Variants in PCNT observed in about 807,000 individuals in gnomAD.
PCNT encodes kendrin.
In PCNT, 319 loss-of-function variants were observed where a neutral mutation model predicts 380.4. That is an observed-to-expected ratio of 0.84 (90% CI 0.77 to 0.92). The LOEUF (loss-of-function observed/expected upper bound fraction) is 0.92, where lower values mean the gene tolerates loss of function less well. Ranked by LOEUF, PCNT falls within the 40% of genes least tolerant of loss-of-function variation. The probability of loss-of-function intolerance (pLI) is 0.00; values close to 1 mark genes in which losing one functional copy is unlikely to be tolerated. For synonymous variants in PCNT, 1,845 were observed against 1,735.2 expected, an observed-to-expected ratio of 1.06 and a Z score of -1.57; for missense variants, 4,400 against 4,255.3, an observed-to-expected ratio of 1.03 and a Z score of -0.95.
chr21:46,330,471 T>C (rs1253377422), intron 2 of PCNT, among the ~76,000 whole-genome samples: 1 of 152,220 alleles, frequency 6.6e-6, no homozygotes, highest in African/African-American at 2.4e-5. Context: ...ATGTGTAGAA[T>C]AGAGCCATTG....
chr21:46,349,647 G>A (rs2084196813), intron 7 of PCNT, 37 bp from the exon 8 acceptor site: 1 of 1,607,940 alleles, frequency 6.2e-7, no homozygotes, highest in South Asian at 1.1e-5. Flanking sequence ...GGAGAGTGAT[G>A]TCTTGTAAAC....
chr21:46,396,600 T>TTTTA (rs926744498), intron 21 of PCNT, among the ~76,000 whole-genome samples: 78 of 152,220 alleles, frequency 5.1e-4, no homozygotes, highest in Non-Finnish European at 9.0e-4. Context: ...ACCCAGTTAA[T>TTTTA]TTTATTTATT....
At chr21:46,421,249 C>T (rs972983087) in intron 31 of PCNT, among the ~76,000 whole-genome samples, 9 of 152,270 alleles carry the variant, frequency 5.9e-5, no homozygotes, top group Non-Finnish European at 1.5e-5. Flanking sequence ...GCAGCCTCCG[C>T]TCCCCAGGGA....
intron 15 of PCNT, among the ~76,000 whole-genome samples, chr21:46,376,727 C>T (rs1009014929): frequency 1.3e-5 from 2 of 152,172 alleles, no homozygotes; most frequent in African/African-American, 2.4e-5. Flanking sequence ...GCTGTTGGTC[C>T]GGATCAATGC....
intron 13 of PCNT, among the ~76,000 whole-genome samples, chr21:46,361,755 C>G (rs2084727509): frequency 6.6e-6 from 1 of 152,154 alleles, no homozygotes; most frequent in Non-Finnish European, 1.5e-5. Context: ...CACATTTTCT[C>G]CGTTTTTTGA....
In PCNT at chr21:46,382,127, G is replaced by A. The variant is rs138990784; in HGVS notation, c.3312+287G>A. On this transcript the variant is annotated intron_variant, in intron 16 of 46. Coordinates refer to ENST00000359568, the MANE Select transcript of PCNT (RefSeq NM_006031.6). The stretch of plus-strand genomic sequence containing the variant: ...CATTCAGTGGCAGAAGCACATTCAC[G>A]GTGTTGTGCATTCAGTGGCGGAAGC... Among the ~76,000 whole-genome samples, 19 of 145,422 alleles carry A rather than the reference G, an allele frequency of 1.3e-4. 1 individual carries two copies. The highest frequency in any genetic ancestry group is 3.8e-4 in the African/African-American group (15 of 39,814).
In PCNT at chr21:46,370,224, C is replaced by T. The variant is rs180787529; in HGVS notation, c.3165+3085C>T. Among the ~76,000 whole-genome samples, 15 of 117,792 alleles carry T rather than the reference C, an allele frequency of 1.3e-4. No homozygotes were observed. In the East Asian group the frequency reaches 2.7e-3, roughly 21 times the overall value. 77.3% of individuals were successfully genotyped at this position (117,792 alleles called of 152,430 possible). On this transcript the variant is annotated intron_variant, in intron 15 of 46. Coordinates refer to ENST00000359568, the MANE Select transcript of PCNT (RefSeq NM_006031.6). Reference sequence around the variant, plus strand: ...CGAGGCAGCTGCAGGGGTGGGCATCCGGGGGGGGGTGTCTTTGGTTGGCCT... The same window carrying T: ...CGAGGCAGCTGCAGGGGTGGGCATCTGGGGGGGGGTGTCTTTGGTTGGCCT...
At position 46,416,575 on chromosome 21, in the gene PCNT, G is replaced by A. The variant is rs757052194; in HGVS notation, c.6657G>A (p.Leu2219=). 2 of 1,610,472 alleles carry A rather than the reference G, an allele frequency of 1.2e-6. No individual in the cohort carries two copies. Among genetic ancestry groups the A allele is most frequent in the Admixed American group, 1.7e-5 (1 of 59,744 alleles). The part of the protein sequence containing the change: ...AGPRKSPVGM[L]DLSSWSSPEV... Reference sequence around the variant, plus strand: ...CCCGGAAGAGCCCGGTCGGGATGCTGGACCTGTCTTCCTGGAGCTCCCCTG... The same window carrying A: ...CCCGGAAGAGCCCGGTCGGGATGCTAGACCTGTCTTCCTGGAGCTCCCCTG... Residue 2219 remains leucine, a synonymous_variant, in exon 30 of 47, where the codon CTG becomes CTA. Coordinates refer to ENST00000359568, the MANE Select transcript of PCNT (RefSeq NM_006031.6).
intron 2 of PCNT, among the ~76,000 whole-genome samples, chr21:46,331,538 A>G (rs909829727): frequency 6.6e-6 from 1 of 152,192 alleles, no homozygotes; most frequent in African/African-American, 2.4e-5. Context: ...AAGCAAGGTC[A>G]GGCATGGTGG....
rs533450100 is a variant in PCNT, at chr21:46,399,803, C to T, written c.4791+7C>T. 6.8e-6 allele frequency: 11 copies of T among 1,612,864 alleles called. No homozygotes were observed. In the East Asian group the frequency reaches 1.8e-4, roughly 26 times the overall value. On this transcript the variant is annotated splice_region_variant and intron_variant, in intron 25 of 46. Coordinates refer to ENST00000359568, the MANE Select transcript of PCNT (RefSeq NM_006031.6). ...CGTGAAAGGGCTGGAACAGGTAAAG[C>T]GTCTCCATGTTGTGGTTGGGCACGT... is the stretch of plus-strand genomic sequence containing the variant.
Position 46,442,486 on chromosome 21 carries a change from T to C in PCNT, c.9624-11T>C. On this transcript the variant is annotated splice_polypyrimidine_tract_variant and intron_variant, in intron 43 of 46. Coordinates refer to ENST00000359568, the MANE Select transcript of PCNT (RefSeq NM_006031.6). ...GTACTTTTAAGTGTGTCTTGTCTCT[T>C]TTTTTTGTAGATTACGTTTTTTGGT... 1 of 1,580,138 alleles carries C rather than the reference T, an allele frequency of 6.3e-7. No individual in the cohort carries two copies. Among genetic ancestry groups the C allele is most frequent in the African/African-American group, 1.3e-5 (1 of 74,352 alleles).
At chr21:46,417,717 ACG>A (rs2087089094) in intron 30 of PCNT, among the ~76,000 whole-genome samples, 1 of 151,534 alleles carries the variant, frequency 6.6e-6, no homozygotes, top group East Asian at 2.0e-4. Context: ...GCTGGGTAAC[ACG>A]GTGAGACCCT....
chr21:46,358,756 C>T (rs1275767751), intron 13 of PCNT, among the ~76,000 whole-genome samples: 1 of 151,762 alleles, frequency 6.6e-6, no homozygotes, highest in Non-Finnish European at 1.5e-5. Context: ...TCCCTAGTAG[C>T]TGGAATTACA....
At chr21:46,367,211 C>T in intron 15 of PCNT, 72 bp downstream of exon 15, 1 of 1,326,598 alleles carries the variant, frequency 7.5e-7, no homozygotes, top group Non-Finnish European at 1.1e-6. Context: ...CACCGCGTGT[C>T]ACATGTCTGC....
At position 46,431,711 on chromosome 21, in the gene PCNT, T is replaced by C; in HGVS notation, c.8247T>C (p.Ala2749=). The C allele has an allele frequency of 6.2e-7, 1 of 1,612,218 alleles. No homozygotes were observed. Among genetic ancestry groups the C allele is most frequent in the Non-Finnish European group, 8.5e-7 (1 of 1,179,670 alleles). Residue 2749 remains alanine, a synonymous_variant, in exon 38 of 47, where the codon GCT becomes GCC. Coordinates refer to ENST00000359568, the MANE Select transcript of PCNT (RefSeq NM_006031.6). ...QLSELQKDLA[A]EKSRTLELSE... ...CTGAGCTCCAGAAGGACCTTGCGGC[T>C]GAGAAGAGCCGCACCCTGGAGCTGT... is the stretch of plus-strand genomic sequence containing the variant.
chr21:46,346,964 G>C lies in PCNT; in HGVS notation c.942G>C (p.Lys314Asn). 6.3e-7 allele frequency: 1 copy of C among 1,596,646 alleles called. No individual in the cohort carries two copies. Among genetic ancestry groups the C allele is most frequent in the Non-Finnish European group, 8.5e-7 (1 of 1,173,850 alleles). The change falls in exon 5 of 47, where the codon AAG (lysine) becomes AAC (asparagine). Residue 314 changes from lysine (K) to asparagine (N), a missense_variant. Transcript: ENST00000359568. The stretch of plus-strand genomic sequence containing the variant: ...TCAGGGAGCAGCACGCACGGGAGAA[G>C]GAGGAGGTGGTGCTCAGGTGTGGAC... ...ELLREQHARE[K>N]EEVVLRCGQE...
chr21:46,344,211 C>A (rs2083995405), intron 3 of PCNT, among the ~76,000 whole-genome samples: 1 of 151,818 alleles, frequency 6.6e-6, no homozygotes, highest in Non-Finnish European at 1.5e-5. Context: ...GTAGCTGGGA[C>A]TACAGGCGCC....
At position 46,411,709 on chromosome 21, in the gene PCNT, C is replaced by G. The variant is rs1352792544; in HGVS notation, c.5636C>G (p.Ala1879Gly). ...TIAERNLEID[A>G]LNQRKAAHSA... ...GCCGAGAGAAATTTAGAAATCGACG[C>G]TCTGAACCAGCGGAAGGCGGCCCAC... The change falls in exon 28 of 47, where the codon GCT (alanine) becomes GGT (glycine). Residue 1879 changes from alanine to glycine, a missense_variant. Coordinates refer to ENST00000359568, the MANE Select transcript of PCNT (RefSeq NM_006031.6). The G allele has an allele frequency of 1.3e-5, 21 of 1,612,646 alleles. No homozygotes were observed. Among genetic ancestry groups the G allele is most frequent in the Non-Finnish European group, 1.7e-5 (20 of 1,179,872 alleles).
chr21:46,436,274 CT>C, intron 39 of PCNT, 126 bp downstream of exon 39: 1 of 1,104,226 alleles, frequency 9.1e-7, no homozygotes, highest in Non-Finnish European at 1.3e-6. Flanking sequence ...CGCTCTAGTC[CT>C]CTTTCTGAGA....
Sources: allele counts gnomAD v4.1 joint callset (sites outside exome capture counted in the v4.1 genomes callset), GRCh38; gene constraint gnomAD v4.1.1; transcripts MANE v1.5; gene names NCBI Gene and HGNC (gene_info 2026-07-23, HGNC 2026-07-21).